MAST4: variants seen among roughly 807,000 people sequenced by gnomAD.
MAST4 encodes the protein microtubule-associated serine/threonine-protein kinase 4.
In MAST4, 89 loss-of-function variants were observed where a neutral mutation model predicts 162.7. The observed-to-expected ratio is 0.55, with a 90% CI of 0.46 to 0.65. MAST4 has a LOEUF of 0.65. Among genes scored for constraint, MAST4 ranks in the 30% least tolerant of loss-of-function variants. The pLI, the probability that MAST4 is intolerant of heterozygous loss-of-function variation, is 0.00. For missense variants in MAST4, 3,153 were observed against 3,374.0 expected (o/e 0.93, Z 1.62); for synonymous variants, 1,479 against 1,361.1 (o/e 1.09, Z -1.91).
intron 3 of MAST4, among the ~76,000 whole-genome samples, chr5:66,831,452 A>G (rs1429053891): frequency 1.3e-5 from 2 of 152,210 alleles, no homozygotes; most frequent in Non-Finnish European, 2.9e-5. Flanking sequence ...ATTTTACAAT[A>G]ATGTATTATG....
chr5:66,728,473 T>A (rs1751650057), intron 1 of MAST4, among the ~76,000 whole-genome samples: 1 of 152,204 alleles, frequency 6.6e-6, no homozygotes, highest in African/African-American at 2.4e-5. Flanking sequence ...GACATATACA[T>A]ATCTATAATA....
intron 4 of MAST4, among the ~76,000 whole-genome samples, chr5:66,993,804 G>T (rs1750302397): frequency 6.6e-6 from 1 of 152,086 alleles, no homozygotes; most frequent in South Asian, 2.1e-4. Flanking sequence ...ATTAAAAGAG[G>T]TTTTGATATT....
chr5:67,095,040 G>A (rs945711477), intron 6 of MAST4, among the ~76,000 whole-genome samples: 2 of 152,198 alleles, frequency 1.3e-5, no homozygotes, highest in African/African-American at 4.8e-5. Flanking sequence ...CATAAGGTCA[G>A]TTACTTACTT....
intron 1 of MAST4, among the ~76,000 whole-genome samples, chr5:66,748,075 AG>A (rs1752877236): frequency 6.6e-6 from 1 of 152,174 alleles, no homozygotes; most frequent in Admixed American, 6.5e-5. Flanking sequence ...ACTGAAGTAG[AG>A]AAACATGACT....
intron 3 of MAST4, chr5:66,828,903 T>G: frequency 6.4e-7 from 1 of 1,563,534 alleles, no homozygotes; most frequent in Non-Finnish European, 8.8e-7. Flanking sequence ...GCTCCATTCT[T>G]GACATGTAGC....
chr5:66,950,619 C>T (rs1293167602), intron 4 of MAST4, among the ~76,000 whole-genome samples: 1 of 152,168 alleles, frequency 6.6e-6, no homozygotes, highest in Non-Finnish European at 1.5e-5. Context: ...GTCAGAATTT[C>T]TCTTCTTTTT....
intron 1 of MAST4, among the ~76,000 whole-genome samples, chr5:66,659,049 A>G (rs1418771233): frequency 6.6e-6 from 1 of 152,042 alleles, no homozygotes; most frequent in Non-Finnish European, 1.5e-5. Flanking sequence ...AATTCTCACA[A>G]CAGCTTGCAA....
intron 1 of MAST4, among the ~76,000 whole-genome samples, chr5:66,729,799 A>G (rs1349707182): frequency 1.3e-5 from 2 of 152,224 alleles, no homozygotes; most frequent in South Asian, 2.1e-4. Flanking sequence ...GTCATTGTCC[A>G]TAACTGATAA....
At chr5:67,010,543 AAAT>A (rs1316501788) in intron 4 of MAST4, among the ~76,000 whole-genome samples, 2 of 152,222 alleles carry the variant, frequency 1.3e-5, no homozygotes, top group Admixed American at 1.3e-4. Context: ...GGCTGTGCCA[AAAT>A]AATAAACACG....
chr5:67,034,625 G>T (rs963658014), intron 4 of MAST4, among the ~76,000 whole-genome samples: 2 of 152,160 alleles, frequency 1.3e-5, no homozygotes, highest in African/African-American at 4.8e-5. Context: ...TGTGACTCTA[G>T]TTAGATTTGG....
intron 1 of MAST4, among the ~76,000 whole-genome samples, chr5:66,722,404 C>G (rs1751268662): frequency 1.3e-5 from 2 of 151,638 alleles, no homozygotes; most frequent in East Asian, 3.9e-4. Context: ...TTAGAGTGAC[C>G]ACCTGTTTAA....
intron 2 of MAST4, among the ~76,000 whole-genome samples, chr5:66,767,839 G>A (rs1307565812): frequency 6.6e-6 from 1 of 152,100 alleles, no homozygotes; most frequent in African/African-American, 2.4e-5. Context: ...ATGTTTTTCT[G>A]CCTGCTTATA....
chr5:67,149,444 C>T lies in MAST4; in HGVS notation c.3150C>T (p.Asp1050=), dbSNP rs750678107. 1 of 1,613,654 alleles carries T rather than the reference C, an allele frequency of 6.2e-7. No homozygotes were observed. Among genetic ancestry groups the T allele is most frequent in the South Asian group, 1.1e-5 (1 of 90,946 alleles). ...TAAATGGACGAAGCGAGTGTGTGGA[C>T]AGTACAGATAATTCCTCAAAGCCAT... ...DQINGRSECV[D]STDNSSKPSS... The change falls in exon 24 of 29, where the codon GAC becomes GAT. Residue 1050 remains aspartate (D), a synonymous_variant. Coordinates refer to ENST00000403625, the MANE Select transcript of MAST4 (RefSeq NM_001164664.2).
intron 4 of MAST4, among the ~76,000 whole-genome samples, chr5:67,047,280 C>T (rs1395650059): frequency 6.6e-6 from 1 of 152,218 alleles, no homozygotes; most frequent in African/African-American, 2.4e-5. Flanking sequence ...AGACTCTGCA[C>T]TGTGGCCTGC....
At chr5:66,907,383 A>T (rs1763441275) in intron 4 of MAST4, among the ~76,000 whole-genome samples, 1 of 152,196 alleles carries the variant, frequency 6.6e-6, no homozygotes, top group Non-Finnish European at 1.5e-5. Flanking sequence ...GGTGGGCTTC[A>T]TCCAGGATCA....
chr5:67,041,825 C>T (rs528658383), intron 4 of MAST4, among the ~76,000 whole-genome samples: 10 of 152,344 alleles, frequency 6.6e-5, no homozygotes, highest in East Asian at 5.8e-4. Flanking sequence ...GACAAGGTTT[C>T]GCCATGTTGG....
intron 1 of MAST4, among the ~76,000 whole-genome samples, chr5:66,639,718 G>T (rs1177360529): frequency 1.3e-5 from 2 of 152,148 alleles, no homozygotes; most frequent in Non-Finnish European, 2.9e-5. Context: ...GATTTTTGAT[G>T]TGTTTATGAA....
intron 1 of MAST4, among the ~76,000 whole-genome samples, chr5:66,701,170 G>A (rs1749754519): frequency 6.6e-6 from 1 of 152,064 alleles, no homozygotes; most frequent in African/African-American, 2.4e-5. Flanking sequence ...ATTAACTTAA[G>A]GTTTGCATTC....
At chr5:67,110,720 A>G (rs1165776452) in intron 11 of MAST4, among the ~76,000 whole-genome samples, 5 of 152,356 alleles carry the variant, frequency 3.3e-5, no homozygotes, top group East Asian at 3.9e-4. Context: ...TGATTAGTTC[A>G]TGTTAACAAT....
Sources: gnomAD v4.1 joint callset for allele counts (sites outside exome capture counted in the v4.1 genomes callset) on GRCh38, gnomAD v4.1.1 for gene constraint, MANE v1.5 for transcripts, NCBI Gene and HGNC (gene_info 2026-07-23, HGNC 2026-07-21) for gene names.